Variants in NRIP2 observed in about 807,000 individuals in gnomAD.
NRIP2 encodes nuclear receptor-interacting protein 2.
Under a neutral mutation model 34.1 loss-of-function variants are expected in NRIP2, and 27 were observed. The ratio of observed to expected loss-of-function variants is 0.79; its 90% confidence interval spans 0.58 to 1.09. NRIP2 has a LOEUF of 1.09. NRIP2 is among the 50% of genes least tolerant of loss of function. The pLI, the probability that NRIP2 is intolerant of heterozygous loss-of-function variation, is 0.00. For missense variants in NRIP2, 385 were observed against 352.6 expected, an observed-to-expected ratio of 1.09 and a Z score of -0.74; for synonymous variants, 145 against 146.9, an observed-to-expected ratio of 0.99 and a Z score of 0.09.
chr12:2,830,115 C>T (rs2097993972), intron 2 of NRIP2: 1 of 151,834 alleles, frequency 6.6e-6, no homozygotes, highest in East Asian at 1.9e-4. Flanking sequence ...ACGTGAGTAA[C>T]ATGCCTTAGA....
intron 1 of NRIP2, among the ~76,000 whole-genome samples, chr12:2,833,962 C>G (rs1410993077): frequency 6.6e-6 from 1 of 152,212 alleles, no homozygotes; most frequent in East Asian, 1.9e-4. Context: ...TCAGCATTGC[C>G]TCTCAGAGGG....
At chr12:2,831,511 A>T (rs1197365410) in intron 1 of NRIP2, among the ~76,000 whole-genome samples, 5 of 151,942 alleles carry the variant, frequency 3.3e-5, no homozygotes, top group Non-Finnish European at 7.4e-5. Context: ...CTGAACCTAG[A>T]AGGCAGAGGT....
At position 2,828,067 on chromosome 12, in the gene NRIP2, G is replaced by T. The variant is rs112130916; in HGVS notation, c.579-20C>A. On this transcript the variant is annotated intron_variant, in intron 3 of 5. Transcript: ENST00000337508. The stretch of plus-strand genomic sequence containing the variant: ...TCTAACCTGTGGTTGGGAAGCAAGG[G>T]TTATGGCTACCACAGCCCCTAGAGG... 6.0e-5 allele frequency: 96 copies of T among 1,601,342 alleles called. No individual in the cohort carries two copies. The African/African-American group carries it at 7.5e-4, about 13-fold the overall frequency.
At chr12:2,829,202 G>A (rs2097986949) in intron 2 of NRIP2, among the ~76,000 whole-genome samples, 1 of 152,170 alleles carries the variant, frequency 6.6e-6, no homozygotes, top group African/African-American at 2.4e-5. Context: ...GAGGAAGGAT[G>A]AGAAGACTGG....
chr12:2,827,801 T>TG lies in NRIP2; in HGVS notation c.700+124dup. ...AGATCCGAGGACACTGGCACAGAGATGGGGGATAGTCAGAACATCTCTGGG... is the reference window on the plus strand; with the variant it reads ...AGATCCGAGGACACTGGCACAGAGATGGGGGGATAGTCAGAACATCTCTGGG... On this transcript the variant is annotated intron_variant, in intron 4 of 5. Transcript: ENST00000337508. The surrounding 1 kb of genome is among the most constrained non-coding windows in gnomAD (Gnocchi z 4.0). 6.2e-7 allele frequency: 1 copy of TG among 1,603,370 alleles called. No individual in the cohort carries two copies. The highest frequency in any genetic ancestry group is 1.7e-5 in the Admixed American group (1 of 59,548).
At chr12:2,828,513 A>T in intron 2 of NRIP2, 99 bp from the exon 3 acceptor site, 2 of 916,344 alleles carry the variant, frequency 2.2e-6, no homozygotes, top group South Asian at 2.8e-5. Flanking sequence ...CCCTCCTAGA[A>T]ATGAGTGGAG....
chr12:2,834,997 C>T lies in NRIP2; in HGVS notation c.-14G>A, dbSNP rs747148969. 4.5e-6 allele frequency: 7 copies of T among 1,541,898 alleles called. No homozygotes were observed. Among genetic ancestry groups the T allele is most frequent in the African/African-American group, 2.7e-5 (2 of 72,982 alleles). ...AATAAATAACATGCAGGAGCAGCCGCGTCAGTCTCCAATTTCCCGAGATTG... is the reference window on the plus strand; with the variant it reads ...AATAAATAACATGCAGGAGCAGCCGTGTCAGTCTCCAATTTCCCGAGATTG... On this transcript the variant is annotated 5_prime_UTR_variant, in exon 1 of 6. Transcript: ENST00000337508.
rs1264111061 is a variant in NRIP2, at chr12:2,827,154, G to A, written c.*53C>T. ...CTTCAAGAGCCCCCGTTCCCCACACGCCTCTTCTTCTAAGGCAAGGTCTTT... is the reference window on the plus strand; with the variant it reads ...CTTCAAGAGCCCCCGTTCCCCACACACCTCTTCTTCTAAGGCAAGGTCTTT... On this transcript the variant is annotated 3_prime_UTR_variant, in exon 6 of 6. Transcript: ENST00000337508. The surrounding 1 kb of genome is among the most constrained non-coding windows in gnomAD (Gnocchi z 4.0). The A allele has an allele frequency of 1.5e-5, 24 of 1,612,208 alleles. No homozygotes were observed. Among genetic ancestry groups the A allele is most frequent in the Middle Eastern group, 1.7e-4 (1 of 6,048 alleles).
intron 1 of NRIP2, among the ~76,000 whole-genome samples, chr12:2,832,593 C>A (rs181515331): frequency 6.6e-6 from 1 of 151,992 alleles, no homozygotes; most frequent in Admixed American, 6.6e-5. Flanking sequence ...TCTTCATGCT[C>A]CTCTCTCCAT....
At chr12:2,834,169 A>G (rs1217083902) in intron 1 of NRIP2, among the ~76,000 whole-genome samples, 1 of 152,214 alleles carries the variant, frequency 6.6e-6, no homozygotes, top group Non-Finnish European at 1.5e-5. Context: ...CAAAACCCTG[A>G]TGCCCTGGGA....
Position 2,834,902 on chromosome 12 carries a change from C to G in NRIP2, c.82G>C (p.Gly28Arg). ...GTCACCGAGTCCTCTCTGCTTCTTCCTGCCTGTCTCTGTCCCGTGCTGCAG... is the reference window on the plus strand; with the variant it reads ...GTCACCGAGTCCTCTCTGCTTCTTCGTGCCTGTCTCTGTCCCGTGCTGCAG... ...ESCSTGQRQA[G>R]RSREDSVTPP... Residue 28 changes from glycine (G) to arginine (R), a missense_variant, in exon 1 of 6, where the codon GGA (glycine) becomes CGA (arginine). Transcript: ENST00000337508. 8 of 1,613,896 alleles carry G rather than the reference C, an allele frequency of 5.0e-6. No homozygotes were observed. The highest frequency in any genetic ancestry group is 6.8e-6 in the Non-Finnish European group (8 of 1,179,970).
intron 2 of NRIP2, 77 bp downstream of exon 2, chr12:2,830,631 C>T: frequency 1.4e-6 from 2 of 1,469,292 alleles, no homozygotes; most frequent in Non-Finnish European, 9.2e-7. Context: ...CCCATCAGGG[C>T]AGAGCAGAAA....
In NRIP2 at chr12:2,827,962, C is replaced by T. The variant is rs1282718274; in HGVS notation, c.664G>A (p.Gly222Arg). The T allele has an allele frequency of 3.7e-6, 6 of 1,614,082 alleles. No individual in the cohort carries two copies. Among genetic ancestry groups the T allele is most frequent in the Non-Finnish European group, 5.1e-6 (6 of 1,180,044 alleles). Residue 222 changes from glycine (G) to arginine (R), a missense_variant, in exon 4 of 6, where the codon GGG becomes AGG. Transcript: ENST00000337508. This position sits in a 1 kb window ranked among gnomAD's most constrained non-coding sequence, Gnocchi z 4.0. ...TQVEQLELQL[G>R]QETVVCSAQV... is the part of the protein sequence containing the mutation. ...GCCGAGCACACCACAGTCTCCTGCC[C>T]CAGCTGTAGCTCCAACTGCTCCACC...
chr12:2,827,458 G>C lies in NRIP2; in HGVS notation c.754-159C>G, dbSNP rs2097973958. On this transcript the variant is annotated intron_variant, in intron 5 of 5. Coordinates refer to ENST00000337508, the MANE Select transcript of NRIP2 (RefSeq NM_031474.3). The surrounding 1 kb of genome is among the most constrained non-coding windows in gnomAD (Gnocchi z 4.0). Reference sequence around the variant, plus strand: ...GACTCCTGTTGAAGGGGGTGACCCAGTTCTCTTGATTTTTCACTTGGTGGT... The same window carrying C: ...GACTCCTGTTGAAGGGGGTGACCCACTTCTCTTGATTTTTCACTTGGTGGT... 1 of 985,404 alleles carries C rather than the reference G, an allele frequency of 1.0e-6. No individual in the cohort carries two copies. The highest frequency in any genetic ancestry group is 1.2e-6 in the Non-Finnish European group (1 of 829,928). The allele number at this position is 985,404 out of a possible 1,614,324, so 61.0% of individuals were successfully genotyped here.
intron 1 of NRIP2, among the ~76,000 whole-genome samples, chr12:2,831,514 G>A (rs1252043637): frequency 7.2e-5 from 11 of 151,872 alleles, no homozygotes; most frequent in South Asian, 4.2e-4. Context: ...AACCTAGAAG[G>A]CAGAGGTTGC....
rs974058614 is a variant in NRIP2 at position 2,834,611 on chromosome 12, G to A, written c.342+31C>T. ...TGGGAAGTGGAAGGAAAAGGCCAGG[G>A]GACGCTGGCAGGGGAGGGGTGATGC... On this transcript the variant is annotated intron_variant, in intron 1 of 5. Coordinates refer to ENST00000337508, the MANE Select transcript of NRIP2 (RefSeq NM_031474.3). 4 of 1,542,544 alleles carry A rather than the reference G, an allele frequency of 2.6e-6. No individual in the cohort carries two copies. In the Admixed American group the frequency reaches 8.3e-5, roughly 32 times the overall value.
In NRIP2 at chr12:2,827,735, C is replaced by G. The variant is rs2097975807; in HGVS notation, c.701-58G>C. The G allele has an allele frequency of 1.2e-6, 2 of 1,612,374 alleles. No individual in the cohort carries two copies. Among genetic ancestry groups the G allele is most frequent in the East Asian group, 2.2e-5 (1 of 44,890 alleles). On this transcript the variant is annotated intron_variant, in intron 4 of 5. Coordinates refer to ENST00000337508, the MANE Select transcript of NRIP2 (RefSeq NM_031474.3). The surrounding 1 kb of genome is among the most constrained non-coding windows in gnomAD (Gnocchi z 4.0). ...AGGGTTCCCAGTGGTCACTGCTGCC[C>G]TCCTCTTAGCCGTTGCTCCTTCTCT...
At chr12:2,830,649 A>T in intron 2 of NRIP2, 59 bp downstream of exon 2, 1 of 1,523,690 alleles carries the variant, frequency 6.6e-7, no homozygotes, top group Non-Finnish European at 8.9e-7. Flanking sequence ...AAAGGAGAGC[A>T]GGTGAAGTGA....
At position 2,827,983 on chromosome 12, in the gene NRIP2, C is replaced by G. The variant is rs752961089; in HGVS notation, c.643G>C (p.Glu215Gln). 1 of 1,614,210 alleles carries G rather than the reference C, an allele frequency of 6.2e-7. No homozygotes were observed. Among genetic ancestry groups the G allele is most frequent in the East Asian group, 2.2e-5 (1 of 44,878 alleles). ...TGCCCCAGCTGTAGCTCCAACTGCT[C>G]CACCTGGGTTGGGGGCCCAGGGGCC... ...DLAPGPPTQV[E>Q]QLELQLGQET... Residue 215 changes from glutamate to glutamine, a missense_variant, in exon 4 of 6, where the codon GAG (glutamate) becomes CAG (glutamine). Glu to Gln is a conservative substitution (Grantham distance 29, BLOSUM62 2). Transcript: ENST00000337508. This position sits in a 1 kb window ranked among gnomAD's most constrained non-coding sequence, Gnocchi z 4.0.
Sources: allele counts gnomAD v4.1 joint callset (sites outside exome capture counted in the v4.1 genomes callset), GRCh38; gene constraint gnomAD v4.1.1; non-coding constraint Gnocchi (gnomAD v3.1); transcripts MANE v1.5; gene names NCBI Gene and HGNC (gene_info 2026-07-23, HGNC 2026-07-21).